The following FUT9 variants were observed in gnomAD, a reference collection of about 807,000 sequenced individuals.
The protein encoded by FUT9 is 4-galactosyl-N-acetylglucosaminide 3-alpha-L-fucosyltransferase 9.
FUT9 carries 15 observed loss-of-function variants against 29.7 expected under a neutral mutation model. That is an observed-to-expected ratio of 0.51 (90% confidence interval 0.34 to 0.78). The LOEUF is 0.78. Among genes scored for constraint, FUT9 ranks in the 30% least tolerant of loss-of-function variants. The probability of loss-of-function intolerance (pLI) is 0.01; values close to 1 mark genes in which losing one functional copy is unlikely to be tolerated. For synonymous variants in FUT9, 169 were observed against 153.7 expected (o/e 1.10, Z -0.74); for missense variants, 319 against 425.4 (o/e 0.75, Z 2.20).
intron 1 of FUT9, among the ~76,000 whole-genome samples, chr6:96,113,428 G>A (rs1771847431): frequency 6.6e-6 from 1 of 151,764 alleles, no homozygotes; most frequent in South Asian, 2.1e-4. Flanking sequence ...TAGTAGAGAC[G>A]GGGTTTCACC....
intron 1 of FUT9, among the ~76,000 whole-genome samples, chr6:96,099,329 T>G (rs1019930455): frequency 1.3e-5 from 2 of 152,276 alleles, no homozygotes; most frequent in East Asian, 3.9e-4. Context: ...GAAAGACATT[T>G]TTATCCTTCT....
intron 2 of FUT9, among the ~76,000 whole-genome samples, chr6:96,122,660 G>T (rs1772051007): frequency 6.6e-6 from 1 of 151,972 alleles, no homozygotes; most frequent in Non-Finnish European, 1.5e-5. Flanking sequence ...TTGGGTATTG[G>T]ATTGTACTTG....
chr6:96,098,134 T>A (rs1461121429), intron 1 of FUT9, among the ~76,000 whole-genome samples: 1 of 152,132 alleles, frequency 6.6e-6, no homozygotes, highest in Non-Finnish European at 1.5e-5. Flanking sequence ...ACTTGCAGAT[T>A]GAATAAATGG....
At chr6:96,127,780 G>A (rs1208130931) in intron 2 of FUT9, among the ~76,000 whole-genome samples, 2 of 152,018 alleles carry the variant, frequency 1.3e-5, no homozygotes, top group African/African-American at 4.8e-5. Flanking sequence ...TCTCTAATGT[G>A]ATGTTGAGCA....
chr6:96,162,640 C>G (rs1772933835), intron 2 of FUT9, among the ~76,000 whole-genome samples: 1 of 152,172 alleles, frequency 6.6e-6, no homozygotes, highest in Admixed American at 6.5e-5. Context: ...GCCAGACTAA[C>G]ATAAAACCAC....
chr6:96,058,282 T>C (rs1285415964), intron 1 of FUT9, among the ~76,000 whole-genome samples: 1 of 152,086 alleles, frequency 6.6e-6, no homozygotes, highest in Non-Finnish European at 1.5e-5. Context: ...GATTCCTCAC[T>C]GAGCAAAAGC....
chr6:96,019,240 T>C (rs1326198132), intron 1 of FUT9, among the ~76,000 whole-genome samples: 1 of 151,922 alleles, frequency 6.6e-6, no homozygotes, highest in Non-Finnish European at 1.5e-5. Context: ...ATTATAATAA[T>C]AGATAAAGAG....
intron 2 of FUT9, among the ~76,000 whole-genome samples, chr6:96,181,225 T>G (rs1582290089): frequency 6.6e-6 from 1 of 151,986 alleles, no homozygotes; most frequent in East Asian, 1.9e-4. Flanking sequence ...AAAGACTGTG[T>G]CCAGTATCAA....
chr6:96,184,205 A>G (rs1374177345), intron 2 of FUT9, among the ~76,000 whole-genome samples: 2 of 152,038 alleles, frequency 1.3e-5, no homozygotes, highest in African/African-American at 2.4e-5. Context: ...GAATTTATCC[A>G]TCTCCTCTAG....
chr6:96,065,560 T>C (rs1378406387), intron 1 of FUT9, among the ~76,000 whole-genome samples: 1 of 152,160 alleles, frequency 6.6e-6, no homozygotes, highest in Admixed American at 6.5e-5. Context: ...TTCTATCTCT[T>C]TAAGCTCCAA....
chr6:96,149,699 T>C (rs942294880), intron 2 of FUT9, among the ~76,000 whole-genome samples: 1 of 152,188 alleles, frequency 6.6e-6, no homozygotes, highest in African/African-American at 2.4e-5. Context: ...TTTTTAAAAA[T>C]TGTTTTATTT....
At position 96,056,437 on chromosome 6, in the gene FUT9, T is replaced by A. The variant is rs115536870; in HGVS notation, c.-98+40225T>A. Reference sequence around the variant, plus strand: ...CTGCTTTTAGTTTTCTTTTATTAATTGTTTATGTAACTTATACTAGACTGC... The same window carrying A: ...CTGCTTTTAGTTTTCTTTTATTAATAGTTTATGTAACTTATACTAGACTGC... On this transcript the variant is annotated intron_variant, in intron 1 of 2. Coordinates refer to ENST00000302103, the MANE Select transcript of FUT9 (RefSeq NM_006581.4). 5.9e-3 allele frequency among the ~76,000 whole-genome samples: 898 copies of A among 152,350 alleles called. 10 individuals carry two copies. The highest frequency in any genetic ancestry group is 0.021 in the African/African-American group (857 of 41,568).
At chr6:96,079,248 A>T (rs147011855) in intron 1 of FUT9, among the ~76,000 whole-genome samples, 1 of 152,306 alleles carries the variant, frequency 6.6e-6, no homozygotes, top group East Asian at 1.9e-4. Flanking sequence ...AACAACTTTA[A>T]ATTTCCACAA....
chr6:96,049,810 T>C (rs1015601773), intron 1 of FUT9, among the ~76,000 whole-genome samples: 5 of 152,210 alleles, frequency 3.3e-5, no homozygotes, highest in Non-Finnish European at 7.3e-5. Context: ...GGAATAATTA[T>C]AACAAGATGA....
chr6:96,130,102 A>C (rs1483546707), intron 2 of FUT9, among the ~76,000 whole-genome samples: 2 of 152,176 alleles, frequency 1.3e-5, no homozygotes, highest in Admixed American at 6.5e-5. Context: ...TACGAATCTC[A>C]GCATGGTTTT....
chr6:96,038,491 A>G (rs1187445928), intron 1 of FUT9, among the ~76,000 whole-genome samples: 3 of 152,184 alleles, frequency 2.0e-5, no homozygotes, highest in Non-Finnish European at 2.9e-5. Context: ...AATATAGGGT[A>G]ACTTCCTTTA....
intron 2 of FUT9, among the ~76,000 whole-genome samples, chr6:96,179,705 A>T (rs932853404): frequency 3.3e-5 from 5 of 152,124 alleles, no homozygotes; most frequent in African/African-American, 1.2e-4. Flanking sequence ...AACAATAAAA[A>T]TTAAGAAAAT....
intron 2 of FUT9, among the ~76,000 whole-genome samples, chr6:96,185,384 G>A (rs1214346807): frequency 6.6e-6 from 1 of 152,092 alleles, no homozygotes; most frequent in African/African-American, 2.4e-5. Flanking sequence ...TTGACTAGAT[G>A]TAGGATTTAG....
intron 2 of FUT9, among the ~76,000 whole-genome samples, chr6:96,168,109 A>C (rs772948694): frequency 1.3e-5 from 2 of 152,172 alleles, no homozygotes; most frequent in Non-Finnish European, 2.9e-5. Flanking sequence ...ACAAGTGGAG[A>C]AGACTGGGTA....
Sources: gnomAD v4.1 joint callset for allele counts (sites outside exome capture counted in the v4.1 genomes callset) on GRCh38, gnomAD v4.1.1 for gene constraint, MANE v1.5 for transcripts, NCBI Gene and HGNC (gene_info 2026-07-23, HGNC 2026-07-21) for gene names.